SGCZ: variants seen among roughly 807,000 people sequenced by gnomAD.
SGCZ encodes sarcoglycan zeta.
Under a neutral mutation model 41.3 loss-of-function variants are expected in SGCZ, and 40 were observed. The observed-to-expected ratio is 0.97, with a 90% CI of 0.75 to 1.26. The LOEUF is 1.26. SGCZ is among the 50% of genes most tolerant of loss of function. The probability of loss-of-function intolerance (pLI) is 0.00; values close to 1 mark genes in which losing one functional copy is unlikely to be tolerated. For missense variants in SGCZ, 552 were observed against 369.8 expected (o/e 1.49, Z -4.04); for synonymous variants, 206 against 137.5 (o/e 1.50, Z -3.49).
At chr8:14,900,082 T>G (rs1032822305) in intron 1 of SGCZ, among the ~76,000 whole-genome samples, 2 of 152,056 alleles carry the variant, frequency 1.3e-5, no homozygotes, top group Non-Finnish European at 2.9e-5. Context: ...TATAATAAAC[T>G]CTCCCAAGCC....
chr8:14,750,714 C>A (rs1799473004), intron 1 of SGCZ, among the ~76,000 whole-genome samples: 1 of 152,138 alleles, frequency 6.6e-6, no homozygotes, highest in African/African-American at 2.4e-5. Flanking sequence ...ATTTGAAGCA[C>A]TGTGAACGAT....
chr8:14,455,827 A>T (rs1194261819), intron 2 of SGCZ, among the ~76,000 whole-genome samples: 1 of 152,218 alleles, frequency 6.6e-6, no homozygotes, highest in Non-Finnish European at 1.5e-5. Flanking sequence ...AGGATATATT[A>T]TTGTGAAAAC....
chr8:14,600,705 A>G (rs1272105005), intron 1 of SGCZ, among the ~76,000 whole-genome samples: 4 of 152,186 alleles, frequency 2.6e-5, no homozygotes, highest in Non-Finnish European at 5.9e-5. Context: ...CTGTGTCATG[A>G]TTTCAACTAA....
At chr8:15,150,607 G>C (rs951853746) in intron 1 of SGCZ, among the ~76,000 whole-genome samples, 2 of 152,162 alleles carry the variant, frequency 1.3e-5, no homozygotes, top group Non-Finnish European at 2.9e-5. Context: ...AACTGAACAA[G>C]TATGTTGGGA....
At chr8:14,707,679 G>C (rs1320633791) in intron 1 of SGCZ, among the ~76,000 whole-genome samples, 1 of 151,980 alleles carries the variant, frequency 6.6e-6, no homozygotes, top group African/African-American at 2.4e-5. Context: ...TAAAACTCTA[G>C]CCATTACACA....
intron 1 of SGCZ, among the ~76,000 whole-genome samples, chr8:14,707,216 A>G (rs1809362068): frequency 8.5e-6 from 1 of 118,140 alleles, no homozygotes; most frequent in South Asian, 3.0e-4. Flanking sequence ...CCAGTGTGTG[A>G]TGTTCCCCTT....
intron 2 of SGCZ, among the ~76,000 whole-genome samples, chr8:14,459,045 G>A (rs189692135): frequency 2.4e-4 from 36 of 152,264 alleles, no homozygotes; most frequent in African/African-American, 8.7e-4. Flanking sequence ...AATAAAGACA[G>A]TATTGGATTA....
At chr8:14,525,568 C>T (rs2117111395) in intron 2 of SGCZ, among the ~76,000 whole-genome samples, 1 of 152,030 alleles carries the variant, frequency 6.6e-6, no homozygotes, top group African/African-American at 2.4e-5. Context: ...ATTTGAGATC[C>T]CACTCTCTGC....
chr8:14,574,246 C>G (rs10089396), intron 1 of SGCZ, among the ~76,000 whole-genome samples: 4,414 of 152,120 alleles, frequency 0.029, 122 homozygotes, highest in African/African-American at 0.078. Context: ...GCAGCAGCCT[C>G]AGAAGCAAAG....
At chr8:14,991,390 G>A (rs1585445079) in intron 1 of SGCZ, among the ~76,000 whole-genome samples, 1 of 152,112 alleles carries the variant, frequency 6.6e-6, no homozygotes, top group Non-Finnish European at 1.5e-5. Flanking sequence ...ACTCTGCATT[G>A]TAACAAAATC....
At chr8:14,434,021 C>A (rs1437160383) in intron 2 of SGCZ, among the ~76,000 whole-genome samples, 2 of 152,168 alleles carry the variant, frequency 1.3e-5, no homozygotes, top group African/African-American at 4.8e-5. Context: ...ATTTTGGGTT[C>A]TTGGTCATGA....
chr8:15,100,756 G>A (rs1289623586), intron 1 of SGCZ, among the ~76,000 whole-genome samples: 1 of 152,146 alleles, frequency 6.6e-6, no homozygotes, highest in East Asian at 1.9e-4. Flanking sequence ...GCCAAACACG[G>A]AGAATCACTT....
At chr8:14,532,600 A>T (rs922836199) in intron 2 of SGCZ, among the ~76,000 whole-genome samples, 1 of 151,416 alleles carries the variant, frequency 6.6e-6, no homozygotes, top group Admixed American at 6.6e-5. Flanking sequence ...AAATGATAAT[A>T]ATGCAAAAAT....
intron 2 of SGCZ, among the ~76,000 whole-genome samples, chr8:14,532,041 AT>A (rs1414489799): frequency 6.6e-6 from 1 of 152,064 alleles, no homozygotes; most frequent in African/African-American, 2.4e-5. Flanking sequence ...ATAGAAAATC[AT>A]TTTTCTTTAG....
chr8:14,934,573 T>C (rs1003593262), intron 1 of SGCZ, among the ~76,000 whole-genome samples: 2 of 151,652 alleles, frequency 1.3e-5, no homozygotes, highest in Admixed American at 1.3e-4. Context: ...AGATAAAGAA[T>C]AGAGAAATAT....
At chr8:14,255,362 C>T (rs1799424326) in intron 3 of SGCZ, among the ~76,000 whole-genome samples, 1 of 152,144 alleles carries the variant, frequency 6.6e-6, no homozygotes, top group Non-Finnish European at 1.5e-5. Flanking sequence ...AAGATGTTTT[C>T]ATGATTAATA....
At chr8:14,775,499 G>GTGTGTA (rs1800376331) in intron 1 of SGCZ, among the ~76,000 whole-genome samples, 4 of 140,014 alleles carry the variant, frequency 2.9e-5, no homozygotes, top group African/African-American at 1.0e-4. Flanking sequence ...GTGTGTGTGT[G>GTGTGTA]TACACAGGGG....
At chr8:15,150,461 G>A (rs866404875) in intron 1 of SGCZ, among the ~76,000 whole-genome samples, 2 of 152,124 alleles carry the variant, frequency 1.3e-5, no homozygotes, top group South Asian at 2.1e-4. Context: ...GTAAAGCCAC[G>A]TGATTCACTC....
chr8:14,090,703 C>T, intron 7 of SGCZ, 66 bp from the exon 8 acceptor site: 2 of 1,368,230 alleles, frequency 1.5e-6, no homozygotes, highest in Non-Finnish European at 2.0e-6. Context: ...ATCTACATCC[C>T]TCCTCAACAT....
Sources: allele counts gnomAD v4.1 joint callset (sites outside exome capture counted in the v4.1 genomes callset), GRCh38; gene constraint gnomAD v4.1.1; transcripts MANE v1.5; gene names NCBI Gene and HGNC (gene_info 2026-07-23, HGNC 2026-07-21).